NLRC3: variants seen among roughly 807,000 people sequenced by gnomAD.
NLRC3 encodes NLR family CARD domain-containing protein 3.
Under a neutral mutation model 91.6 loss-of-function variants are expected in NLRC3, and 87 were observed. The observed-to-expected ratio is 0.95, with a 90% CI of 0.80 to 1.14. NLRC3 has a LOEUF of 1.14. Ranked by LOEUF, NLRC3 falls within the 50% of genes most tolerant of loss-of-function variation. The pLI is 0.00. For missense variants in NLRC3, 1,577 were observed against 1,418.6 expected (o/e 1.11, Z -1.79); for synonymous variants, 694 against 625.3 (o/e 1.11, Z -1.64).
In NLRC3 at chr16:3,542,329, A is replaced by C. The variant is rs1413077494; in HGVS notation, c.3024-55T>G. ...TGAGCCATCAGGGCAGAAGGAAAAC[A>C]CCCGGGGAAGCAACAGTGCATTGTC... On this transcript the variant is annotated intron_variant, in intron 18 of 19. Coordinates refer to ENST00000359128, the MANE Select transcript of NLRC3 (RefSeq NM_178844.4). The C allele has an allele frequency of 4.5e-6, 5 of 1,115,388 alleles. No individual in the cohort carries two copies. In the Admixed American group the frequency reaches 9.9e-5, roughly 22 times the overall value. The allele number at this position is 1,115,388 out of a possible 1,614,324, so 69.1% of individuals were successfully genotyped here. A position where few individuals can be genotyped will look rare whatever the true frequency, so the allele number is the denominator to read the frequency against.
intron 13 of NLRC3, 39 bp from the exon 14 acceptor site, chr16:3,548,792 G>C: frequency 7.0e-7 from 1 of 1,429,310 alleles, no homozygotes; most frequent in Non-Finnish European, 9.6e-7. Context: ...GCCGGGGGCC[G>C]GCTGTGAAGC....
chr16:3,543,564 T>G, intron 16 of NLRC3, 56 bp from the exon 17 acceptor site: 1 of 1,183,174 alleles, frequency 8.5e-7, no homozygotes, highest in Non-Finnish European at 1.2e-6. Flanking sequence ...TCCCTCCGCA[T>G]ACTCCGTTCC....
At chr16:3,576,539 C>T (rs926702420) in intron 1 of NLRC3, among the ~76,000 whole-genome samples, 1 of 152,238 alleles carries the variant, frequency 6.6e-6, no homozygotes, top group Admixed American at 6.5e-5. Context: ...ACTGCCTGCC[C>T]GCAGCACCTT....
rs2039809509 is a variant in NLRC3, at chr16:3,564,914, C to T, written c.123G>A (p.Gln41=). The T allele has an allele frequency of 6.2e-7, 1 of 1,610,050 alleles. No homozygotes were observed. Among genetic ancestry groups the T allele is most frequent in the African/African-American group, 1.3e-5 (1 of 74,946 alleles). Reference sequence around the variant, plus strand: ...GTGTCCTATCCAGGGCCTGCGGGGCCTGGGAGCCTTGACTGCCCTTCCCAG... The same window carrying T: ...GTGTCCTATCCAGGGCCTGCGGGGCTTGGGAGCCTTGACTGCCCTTCCCAG... ...LLAGKGSQGS[Q]APQALDRTPD... Residue 41 remains glutamine (Q), a synonymous_variant, in exon 4 of 20, where the codon CAG becomes CAA. Transcript: ENST00000359128. This position sits in a 1 kb window ranked among gnomAD's most constrained non-coding sequence, Gnocchi z 5.9.
At chr16:3,576,596 G>T (rs2040305109) in intron 1 of NLRC3, among the ~76,000 whole-genome samples, 1 of 152,224 alleles carries the variant, frequency 6.6e-6, no homozygotes, top group Non-Finnish European at 1.5e-5. Flanking sequence ...ACCTGGGGGA[G>T]CTGGGTTTTG....
At position 3,577,223 on chromosome 16, in the gene NLRC3, C is replaced by T. The variant is rs929861984; in HGVS notation, c.-243G>A. ...GGGCGTCCATCTCCATGCTCCTGGG[C>T]TCAGCCCTGCTCCAGCTGCGTGGTG... On this transcript the variant is annotated 5_prime_UTR_variant, in exon 1 of 20. Transcript: ENST00000359128. The T allele has an allele frequency of 2.8e-6, 2 of 702,642 alleles. No homozygotes were observed. Among genetic ancestry groups the T allele is most frequent in the African/African-American group, 3.5e-5 (2 of 57,254 alleles). 43.5% of individuals were successfully genotyped at this position (702,642 alleles called of 1,614,324 possible). A position where few individuals can be genotyped will look rare whatever the true frequency, so the allele number is the denominator to read the frequency against.
intron 2 of NLRC3, among the ~76,000 whole-genome samples, chr16:3,566,241 C>T (rs887679629): frequency 6.6e-6 from 1 of 150,952 alleles, no homozygotes; most frequent in Non-Finnish European, 1.5e-5. Flanking sequence ...GTGACAGAGT[C>T]TGGGTGGGGG....
At chr16:3,562,911 C>G in intron 5 of NLRC3, 98 bp downstream of exon 5, 1 of 1,120,128 alleles carries the variant, frequency 8.9e-7, no homozygotes, top group Non-Finnish European at 1.3e-6. Context: ...TACGGCAGCC[C>G]TAGGAGACTG....
rs771644734 is a variant in NLRC3, at chr16:3,564,106, C to T, written c.831G>A (p.Gly277=). ...SRPSASGQIP[G]GLVDRMTEIR... ...TCTCCGTCATCCGGTCCACCAGGCC[C>T]CCTGGGATCTGGCCAGATGCACTGG... is the stretch of plus-strand genomic sequence containing the variant. The change falls in exon 5 of 20, where the codon GGG becomes GGA. Residue 277 remains glycine, a synonymous_variant. Transcript: ENST00000359128. This position sits in a 1 kb window ranked among gnomAD's most constrained non-coding sequence, Gnocchi z 5.9. The T allele has an allele frequency of 3.1e-6, 5 of 1,613,562 alleles. No individual in the cohort carries two copies. Among genetic ancestry groups the T allele is most frequent in the Non-Finnish European group, 4.2e-6 (5 of 1,179,904 alleles).
At chr16:3,543,840 C>T in intron 16 of NLRC3, 1 of 367,830 alleles carries the variant, frequency 2.7e-6, no homozygotes, top group Non-Finnish European at 5.1e-6. Context: ...TCAAACACAC[C>T]TTCCTTGACT....
At chr16:3,574,773 C>T (rs914639634) in intron 1 of NLRC3, among the ~76,000 whole-genome samples, 1 of 152,104 alleles carries the variant, frequency 6.6e-6, no homozygotes, top group African/African-American at 2.4e-5. Context: ...ACCAGCCTGA[C>T]CAACATGGCG....
chr16:3,555,321 G>A (rs2039250846), intron 8 of NLRC3, among the ~76,000 whole-genome samples: 3 of 151,914 alleles, frequency 2.0e-5, no homozygotes, highest in African/African-American at 7.3e-5. Flanking sequence ...CATGCTCAAT[G>A]AGGAAAGCCG....
rs750663743 is a variant in NLRC3, at chr16:3,564,841, C to T, written c.178+18G>A. 27 of 1,592,038 alleles carry T rather than the reference C, an allele frequency of 1.7e-5. No individual in the cohort carries two copies. In the African/African-American group the frequency reaches 3.3e-4, roughly 20 times the overall value. On this transcript the variant is annotated intron_variant, in intron 4 of 19. Coordinates refer to ENST00000359128, the MANE Select transcript of NLRC3 (RefSeq NM_178844.4). The surrounding 1 kb of genome is among the most constrained non-coding windows in gnomAD (Gnocchi z 5.9). ...CAGGTGTTCCCCACCCCGCGTCTGCCTCCCAAGCCGGTCCTACCATTGCTG... is the reference window on the plus strand; with the variant it reads ...CAGGTGTTCCCCACCCCGCGTCTGCTTCCCAAGCCGGTCCTACCATTGCTG...
rs2039768290 is a variant in NLRC3, at chr16:3,564,283, C to G, written c.654G>C (p.Leu218=). 1 of 1,611,934 alleles carries G rather than the reference C, an allele frequency of 6.2e-7. No individual in the cohort carries two copies. The highest frequency in any genetic ancestry group is 1.7e-5 in the Admixed American group (1 of 59,864). ...GCGTCCTGCACTCATCCAAGCCGTC[C>G]AGGATCAGGAGGGCCCTGGCTGGGA... is the stretch of plus-strand genomic sequence containing the variant. ...VAVPARALLI[L]DGLDECRTPL... The change falls in exon 5 of 20, where the codon CTG becomes CTC. Residue 218 remains leucine, a synonymous_variant. Coordinates refer to ENST00000359128, the MANE Select transcript of NLRC3 (RefSeq NM_178844.4). The surrounding 1 kb of genome is among the most constrained non-coding windows in gnomAD (Gnocchi z 5.9).
chr16:3,543,307 A>T, intron 17 of NLRC3, 118 bp downstream of exon 17: 1 of 746,338 alleles, frequency 1.3e-6, no homozygotes, highest in Non-Finnish European at 2.3e-6. Context: ...CTTGCACTGA[A>T]ATGAAGATCA....
At chr16:3,554,449 G>A (rs1034130700) in intron 8 of NLRC3, 124 bp from the exon 9 acceptor site, 6 of 659,940 alleles carry the variant, frequency 9.1e-6, no homozygotes, top group South Asian at 1.7e-5. Flanking sequence ...TGCCCTCACC[G>A]CCCACCATGC....
intron 9 of NLRC3, among the ~76,000 whole-genome samples, chr16:3,552,753 A>G (rs927037772): frequency 6.6e-6 from 1 of 152,126 alleles, no homozygotes; most frequent in African/African-American, 2.4e-5. Context: ...TATCCTGGCC[A>G]ACATGGTGAA....
Position 3,564,726 on chromosome 16 carries a change from G to C in NLRC3, c.211C>G (p.Leu71Val). ...SRIQRHRKALLSKVGGGPELG... is the reference protein window; with the variant it reads ...SRIQRHRKALVSKVGGGPELG... ...TCCGGGCCACCTCCCACCTTGCTCA[G>C]CAGGGCCTTGCGGTGCCTCTGTATC... The change falls in exon 5 of 20, where the codon CTG (leucine) becomes GTG (valine). Residue 71 changes from leucine (L) to valine (V), a missense_variant. Physicochemically the swap from Leu to Val is conservative, Grantham distance 32. Transcript: ENST00000359128. This position sits in a 1 kb window ranked among gnomAD's most constrained non-coding sequence, Gnocchi z 5.9. 1 of 1,591,780 alleles carries C rather than the reference G, an allele frequency of 6.3e-7. No individual in the cohort carries two copies. The highest frequency in any genetic ancestry group is 1.3e-5 in the African/African-American group (1 of 74,930).
At chr16:3,550,773 G>C (rs2038950755) in intron 10 of NLRC3, among the ~76,000 whole-genome samples, 1 of 152,184 alleles carries the variant, frequency 6.6e-6, no homozygotes, top group Non-Finnish European at 1.5e-5. Flanking sequence ...TTTTTGTGAA[G>C]ATGGTCAGGA....
Sources: gnomAD v4.1 joint callset for allele counts (sites outside exome capture counted in the v4.1 genomes callset) on GRCh38, gnomAD v4.1.1 for gene constraint, Gnocchi (gnomAD v3.1) non-coding constraint, MANE v1.5 for transcripts, NCBI Gene and HGNC (gene_info 2026-07-23, HGNC 2026-07-21) for gene names.